NRCAM: variants seen among roughly 807,000 people sequenced by gnomAD.
NRCAM encodes the protein neuronal cell adhesion molecule, also known as NgCAM-related cell adhesion molecule.
A neutral mutation model predicts 156.5 loss-of-function variants in NRCAM; 83 were observed. The ratio of observed to expected loss-of-function variants is 0.53; its 90% CI spans 0.44 to 0.64. The LOEUF (loss-of-function observed/expected upper bound fraction) is 0.64, where lower values mean the gene tolerates loss of function less well. NRCAM is among the 30% of genes least tolerant of loss of function. The pLI is 0.00. For synonymous variants in NRCAM, 538 were observed against 563.9 expected (o/e 0.95, Z 0.65); for missense variants, 1,417 against 1,597.3 (o/e 0.89, Z 1.92).
At chr7:108,351,433 T>C (rs1009761093) in intron 2 of NRCAM, among the ~76,000 whole-genome samples, 1 of 151,904 alleles carries the variant, frequency 6.6e-6, no homozygotes, top group African/African-American at 2.4e-5. Context: ...GTCATGGAGG[T>C]CCCTTACAGA....
chr7:108,177,345 T>C (rs941262715), intron 26 of NRCAM, among the ~76,000 whole-genome samples: 49 of 152,188 alleles, frequency 3.2e-4, no homozygotes, highest in Admixed American at 9.8e-4. Flanking sequence ...AAGGGAAGGC[T>C]GGGCGCAGTG....
intron 3 of NRCAM, among the ~76,000 whole-genome samples, chr7:108,307,162 C>T (rs2098727929): frequency 6.6e-6 from 1 of 152,168 alleles, no homozygotes. Context: ...GAAATATACA[C>T]ACAAAAGACC....
In NRCAM at chr7:108,197,965, T is replaced by C. The variant is rs763012648; in HGVS notation, c.1342A>G (p.Asn448Asp). The change falls in exon 14 of 33, where the codon AAT (asparagine) becomes GAT (aspartate). Residue 448 changes from asparagine (N) to aspartate (D), a missense_variant. Transcript: ENST00000379028. Reference sequence around the variant, plus strand: ...TAAAATGAGAGCTTACCCAGCACATTTACAAATGCGTTTGCCAGTAAATAT... The same window carrying C: ...TAAAATGAGAGCTTACCCAGCACATCTACAAATGCGTTTGCCAGTAAATAT... The part of the protein sequence containing the change: ...YGYLLANAFV[N>D]VLAEPPRILT... The C allele has an allele frequency of 1.9e-6, 3 of 1,573,508 alleles. No homozygotes were observed. In the South Asian group the frequency reaches 3.6e-5, roughly 19 times the overall value.
chr7:108,207,786 C>T (rs555631758), intron 12 of NRCAM, 127 bp from the exon 13 acceptor site: 92 of 653,902 alleles, frequency 1.4e-4, no homozygotes, highest in African/African-American at 1.4e-3. Flanking sequence ...TTTTTTTGAG[C>T]GAATAGATTT....
In NRCAM at chr7:108,360,487, T is replaced by C. The variant is rs559130525; in HGVS notation, c.-174+38949A>G. Among the ~76,000 whole-genome samples, 20 of 152,210 alleles carry C rather than the reference T, an allele frequency of 1.3e-4. No homozygotes were observed. In the South Asian group the frequency reaches 4.1e-3, roughly 32 times the overall value. ...AGCAGACAGATTTCAAAGATTAAAA[T>C]ATTTCTAAGGCTAAAATTCACGTGA... is the stretch of plus-strand genomic sequence containing the variant. On this transcript the variant is annotated intron_variant, in intron 2 of 32. Coordinates refer to ENST00000379028, the MANE Select transcript of NRCAM (RefSeq NM_001037132.4).
chr7:108,383,118 CCACA>C (rs1240660558), intron 2 of NRCAM, among the ~76,000 whole-genome samples: 3 of 128,816 alleles, frequency 2.3e-5, no homozygotes, highest in South Asian at 3.1e-4. Context: ...CTGAGTCACA[CCACA>C]CACACACACA....
rs1486264784 is a variant in NRCAM at position 108,183,980 on chromosome 7, T to C, written c.2304+261A>G. ...CCATCATACAGCTGCCTAACAGACA[T>C]GTTAAACAACTGGCCTAAGATCACA... On this transcript the variant is annotated intron_variant, in intron 22 of 32. Transcript: ENST00000379028. Among the ~76,000 whole-genome samples, 5 of 152,152 alleles carry C rather than the reference T, an allele frequency of 3.3e-5. No individual in the cohort carries two copies. The East Asian group carries it at 9.6e-4, about 29-fold the overall frequency.
chr7:108,159,623 T>C lies in NRCAM; in HGVS notation c.3599-82A>G. 3.9e-6 allele frequency: 4 copies of C among 1,022,896 alleles called. No homozygotes were observed. In the South Asian group the frequency reaches 3.9e-5, roughly 10 times the overall value. 63.4% of individuals were successfully genotyped at this position (1,022,896 alleles called of 1,614,324 possible). A position where few individuals can be genotyped will look rare whatever the true frequency, so the allele number is the denominator to read the frequency against. On this transcript the variant is annotated intron_variant, in intron 31 of 32. Coordinates refer to ENST00000379028, the MANE Select transcript of NRCAM (RefSeq NM_001037132.4). ...GTCCATGAAAGCATTCTTTGAGATA[T>C]ACAGCAGTGAAAAATAATTCCATAC...
intron 1 of NRCAM, among the ~76,000 whole-genome samples, chr7:108,454,580 C>T (rs1236520130): frequency 1.3e-5 from 2 of 152,224 alleles, no homozygotes; most frequent in Non-Finnish European, 2.9e-5. Context: ...TATCAGTTGC[C>T]TAACTCCATT....
At chr7:108,404,222 G>C (rs180742716) in intron 1 of NRCAM, among the ~76,000 whole-genome samples, 1 of 146,128 alleles carries the variant, frequency 6.8e-6, no homozygotes, top group East Asian at 2.1e-4. Flanking sequence ...CGCCATCTCT[G>C]ATGACCATTG....
chr7:108,322,572 T>C (rs2099015200), intron 2 of NRCAM, among the ~76,000 whole-genome samples: 1 of 152,140 alleles, frequency 6.6e-6, no homozygotes, highest in South Asian at 2.1e-4. Context: ...GCAAGGGAAT[T>C]CTAAAAGGAT....
In NRCAM at chr7:108,454,037, G is replaced by T. The variant is rs114816905; in HGVS notation, c.-332+2206C>A. On this transcript the variant is annotated intron_variant, in intron 1 of 32. Coordinates refer to ENST00000379028, the MANE Select transcript of NRCAM (RefSeq NM_001037132.4). Reference sequence around the variant, plus strand: ...AAAGTTTTATGAAACTTTATGATGTGCCAGGAACATCTATGTAATCACAGA... The same window carrying T: ...AAAGTTTTATGAAACTTTATGATGTTCCAGGAACATCTATGTAATCACAGA... 1.0e-3 allele frequency among the ~76,000 whole-genome samples: 157 copies of T among 152,278 alleles called. 1 individual carries two copies. Among genetic ancestry groups the T allele is most frequent in the African/African-American group, 3.5e-3 (144 of 41,554 alleles).
chr7:108,456,032 G>A (rs540278386), intron 1 of NRCAM, among the ~76,000 whole-genome samples: 1 of 152,256 alleles, frequency 6.6e-6, no homozygotes, highest in East Asian at 1.9e-4. Context: ...CCCTCTCGGC[G>A]CCCGCGGGAG....
At chr7:108,379,352 C>G (rs1473086808) in intron 2 of NRCAM, among the ~76,000 whole-genome samples, 1 of 152,122 alleles carries the variant, frequency 6.6e-6, no homozygotes, top group Non-Finnish European at 1.5e-5. Context: ...TGATAAGCCT[C>G]GACTTTGCTA....
At chr7:108,169,782 T>A (rs548853927) in intron 28 of NRCAM, among the ~76,000 whole-genome samples, 3 of 152,218 alleles carry the variant, frequency 2.0e-5, no homozygotes, top group Non-Finnish European at 4.4e-5. Context: ...GTGTAAAACA[T>A]CAATGGCAAC....
intron 3 of NRCAM, among the ~76,000 whole-genome samples, chr7:108,296,009 C>T (rs549354782): frequency 9.2e-5 from 14 of 152,168 alleles, no homozygotes; most frequent in African/African-American, 2.9e-4. Flanking sequence ...CTTGAGCTAG[C>T]GGAGAGTTCC....
At chr7:108,245,011 C>CTT (rs1458668223) in intron 3 of NRCAM, among the ~76,000 whole-genome samples, 1 of 152,164 alleles carries the variant, frequency 6.6e-6, no homozygotes, top group Admixed American at 6.5e-5. Context: ...TTCACTGAGC[C>CTT]TTTTCTATGT....
intron 2 of NRCAM, among the ~76,000 whole-genome samples, chr7:108,328,953 C>T (rs2099099558): frequency 6.6e-6 from 1 of 152,170 alleles, no homozygotes; most frequent in South Asian, 2.1e-4. Context: ...TCAGAACCTA[C>T]ATCACATAGA....
intron 3 of NRCAM, among the ~76,000 whole-genome samples, chr7:108,255,465 G>A (rs934835598): frequency 6.6e-6 from 1 of 152,204 alleles, no homozygotes; most frequent in African/African-American, 2.4e-5. Flanking sequence ...CGCTCACTCA[G>A]TGCTCAATGT....
Sources: gnomAD v4.1 joint callset for allele counts (sites outside exome capture counted in the v4.1 genomes callset) on GRCh38, gnomAD v4.1.1 for gene constraint, MANE v1.5 for transcripts, NCBI Gene and HGNC (gene_info 2026-07-23, HGNC 2026-07-21) for gene names.